Variants in TNNI1 observed in about 807,000 individuals in gnomAD.
TNNI1 encodes troponin I, slow skeletal muscle.
In TNNI1, 14 loss-of-function variants were observed where a neutral mutation model predicts 26.7. The observed-to-expected ratio is 0.52, with a 90% confidence interval of 0.35 to 0.82. The LOEUF is 0.82. Ranked by LOEUF, TNNI1 falls within the 40% of genes least tolerant of loss-of-function variation. The pLI is 0.01. For synonymous variants in TNNI1, 79 were observed against 98.2 expected (o/e 0.80, Z 1.16); for missense variants, 164 against 257.0 (o/e 0.64, Z 2.47).
chr1:201,404,598 T>C lies in TNNI1; in HGVS notation c.*4655A>G, dbSNP rs1490373194. On this transcript the variant is annotated 3_prime_UTR_variant, in exon 9 of 9. Transcript: ENST00000361379. The stretch of plus-strand genomic sequence containing the variant: ...AGTAAGGGCTAATTTAATACTCCAG[T>C]AATAAAACAAAGGCATGCATGCTTT... The C allele has an allele frequency of 6.6e-6, 1 of 152,200 alleles. No individual in the cohort carries two copies. Among genetic ancestry groups the C allele is most frequent in the Non-Finnish European group, 1.5e-5 (1 of 68,032 alleles). 9.4% of individuals were successfully genotyped at this position (152,200 alleles called of 1,614,324 possible). A position where few individuals can be genotyped will look rare whatever the true frequency, so the allele number is the denominator to read the frequency against.
Position 201,407,078 on chromosome 1 carries a change from G to GTT in TNNI1, c.*2173_*2174dup, listed in dbSNP as rs1370395107. The GTT allele has an allele frequency of 6.6e-6, 1 of 152,294 alleles. No individual in the cohort carries two copies. Among genetic ancestry groups the GTT allele is most frequent in the East Asian group, 1.9e-4 (1 of 5,204 alleles). The allele number at this position is 152,294 out of a possible 1,614,324, so 9.4% of individuals were successfully genotyped here. A position where few individuals can be genotyped will look rare whatever the true frequency, so the allele number is the denominator to read the frequency against. On this transcript the variant is annotated 3_prime_UTR_variant, in exon 9 of 9. Coordinates refer to ENST00000361379, the MANE Select transcript of TNNI1 (RefSeq NM_003281.4). ...AATCTGCCAGGGCCCCAGGTTAATAGTTGACTGCAAAACTGGGATTTGACT... is the reference window on the plus strand; with the variant it reads ...AATCTGCCAGGGCCCCAGGTTAATAGTTTTGACTGCAAAACTGGGATTTGACT...
At chr1:201,410,791 C>T (rs949148976) in intron 7 of TNNI1, among the ~76,000 whole-genome samples, 3 of 152,254 alleles carry the variant, frequency 2.0e-5, no homozygotes, top group African/African-American at 4.8e-5. Context: ...CCTGCAAATG[C>T]GGCTGCTTTT....
intron 3 of TNNI1, among the ~76,000 whole-genome samples, chr1:201,415,644 A>C (rs1162641636): frequency 6.6e-6 from 1 of 152,172 alleles, no homozygotes; most frequent in African/African-American, 2.4e-5. Flanking sequence ...AAATCCTTTG[A>C]AAATCGTAAA....
chr1:201,407,260 TG>T lies in TNNI1; in HGVS notation c.*1992del, dbSNP rs1324090612. 2 of 152,296 alleles carry T rather than the reference TG, an allele frequency of 1.3e-5. No homozygotes were observed. The highest frequency in any genetic ancestry group is 2.4e-5 in the African/African-American group (1 of 41,472). 9.4% of individuals were successfully genotyped at this position (152,296 alleles called of 1,614,324 possible). ...AGGCATGAAGCCTAACCCCATCCTCTGTGGCCTGGACCAGCCCTGTCAGGTT... is the reference window on the plus strand; with the variant it reads ...AGGCATGAAGCCTAACCCCATCCTCTTGGCCTGGACCAGCCCTGTCAGGTT... On this transcript the variant is annotated 3_prime_UTR_variant, in exon 9 of 9. Transcript: ENST00000361379.
At position 201,406,065 on chromosome 1, in the gene TNNI1, A is replaced by C. The variant is rs1252765359; in HGVS notation, c.*3188T>G. The C allele has an allele frequency of 6.6e-6, 1 of 152,354 alleles. No individual in the cohort carries two copies. Among genetic ancestry groups the C allele is most frequent in the East Asian group, 1.9e-4 (1 of 5,184 alleles). The allele number at this position is 152,354 out of a possible 1,614,324, so 9.4% of individuals were successfully genotyped here. ...GTGTGTGGGGACTCCCCAGGTGCAT[A>C]TGCAGGACCCTCGACCCCCAGCTGT... On this transcript the variant is annotated 3_prime_UTR_variant, in exon 9 of 9. Coordinates refer to ENST00000361379, the MANE Select transcript of TNNI1 (RefSeq NM_003281.4).
Position 201,417,769 on chromosome 1 carries a change from G to A in TNNI1, c.11+14C>T. The A allele has an allele frequency of 7.6e-7, 1 of 1,314,108 alleles. No homozygotes were observed. The highest frequency in any genetic ancestry group is 9.8e-7 in the Non-Finnish European group (1 of 1,022,466). The allele number at this position is 1,314,108 out of a possible 1,614,324, so 81.4% of individuals were successfully genotyped here. Reference sequence around the variant, plus strand: ...TGCCTTCCTGGGGCCCCAGATGGCAGTGAGACTACTTACACTTCCGGCATG... The same window carrying A: ...TGCCTTCCTGGGGCCCCAGATGGCAATGAGACTACTTACACTTCCGGCATG... On this transcript the variant is annotated intron_variant, in intron 2 of 8. Coordinates refer to ENST00000361379, the MANE Select transcript of TNNI1 (RefSeq NM_003281.4).
At chr1:201,410,288 C>A (rs1242825826) in intron 8 of TNNI1, 38 bp downstream of exon 8, 33 of 1,584,336 alleles carry the variant, frequency 2.1e-5, no homozygotes, top group Middle Eastern at 1.7e-4. Context: ...CCTCTAGACT[C>A]TGATGGACCC....
At position 201,411,483 on chromosome 1, in the gene TNNI1, G is replaced by T; in HGVS notation, c.330C>A (p.Arg110=). 6.2e-7 allele frequency: 1 copy of T among 1,611,900 alleles called. No homozygotes were observed. Among genetic ancestry groups the T allele is most frequent in the Non-Finnish European group, 8.5e-7 (1 of 1,179,092 alleles). The change falls in exon 7 of 9, where the codon CGC becomes CGA. Residue 110 remains arginine, a synonymous_variant. Transcript: ENST00000361379. This position sits in a 1 kb window ranked among gnomAD's most constrained non-coding sequence, Gnocchi z 4.6. ...KVMDLRGKFK[R]PPLRRVRVSA... ...AGACACGGACTCGACGCAGGGGCGGGCGCTTGAACTTCCCACGGAGGTCCA... is the reference window on the plus strand; with the variant it reads ...AGACACGGACTCGACGCAGGGGCGGTCGCTTGAACTTCCCACGGAGGTCCA...
chr1:201,412,634 T>G (rs1251163115), intron 6 of TNNI1, among the ~76,000 whole-genome samples: 1 of 152,224 alleles, frequency 6.6e-6, no homozygotes. Flanking sequence ...TCTCTGATCC[T>G]GAGTGTTCTC....
chr1:201,414,564 C>T lies in TNNI1; in HGVS notation c.143G>A (p.Arg48His), dbSNP rs200415229. The change falls in exon 5 of 9, where the codon CGC becomes CAC. Residue 48 changes from arginine to histidine, a missense_variant. This residue lies in a region of TNNI1 where 117 missense variants were observed against 158.7 expected (regional missense o/e 0.74). Transcript: ENST00000361379. ...GCCACGGGTCTGCAGCGTGGGGATG[C>T]GCTCTGCCAGGTAGCGCACCTTCTC... ...EAEKVRYLAE[R>H]IPTLQTRGLS... 6.0e-5 allele frequency: 97 copies of T among 1,613,074 alleles called. No homozygotes were observed. The highest frequency in any genetic ancestry group is 1.6e-4 in the African/African-American group (12 of 75,060).
intron 6 of TNNI1, among the ~76,000 whole-genome samples, chr1:201,412,617 T>G (rs748631403): frequency 1.3e-5 from 2 of 152,184 alleles, no homozygotes; most frequent in Admixed American, 6.5e-5. Context: ...AGGACAAGTC[T>G]TTGGCCTCTC....
At chr1:201,418,209 G>A (rs1662789719) in intron 1 of TNNI1, among the ~76,000 whole-genome samples, 1 of 152,102 alleles carries the variant, frequency 6.6e-6, no homozygotes, top group African/African-American at 2.4e-5. Context: ...AGTGGCTCAT[G>A]CCTGTAATCC....
intron 1 of TNNI1, among the ~76,000 whole-genome samples, chr1:201,420,173 T>A (rs1662828581): frequency 6.6e-6 from 1 of 152,176 alleles, no homozygotes. Context: ...CCAAGGCCGG[T>A]TTACACCTCC....
In TNNI1 at chr1:201,416,138, T is replaced by G. The variant is rs1662735705; in HGVS notation, c.16-884A>C. ...GGAAGTTCTCATGAGAGACAATGGA[T>G]GAGTTTCAGCAAATGGAATGTGTAA... is the stretch of plus-strand genomic sequence containing the variant. On this transcript the variant is annotated intron_variant, in intron 3 of 8. Transcript: ENST00000361379. 1.3e-5 allele frequency among the ~76,000 whole-genome samples: 2 copies of G among 152,176 alleles called. 1 individual carries two copies. Among genetic ancestry groups the G allele is most frequent in the African/African-American group, 4.8e-5 (2 of 41,446 alleles).
rs897700900 is a variant in TNNI1 at position 201,404,361 on chromosome 1, A to C, written c.*4892T>G. The C allele has an allele frequency of 6.6e-6, 1 of 152,172 alleles. No homozygotes were observed. The highest frequency in any genetic ancestry group is 1.5e-5 in the Non-Finnish European group (1 of 68,032). 9.4% of individuals were successfully genotyped at this position (152,172 alleles called of 1,614,324 possible). ...CATGTGTCTCAGCTGAGCAACTGCCATGCTTGTGGCACTCTTAGGGGAAGG... is the reference window on the plus strand; with the variant it reads ...CATGTGTCTCAGCTGAGCAACTGCCCTGCTTGTGGCACTCTTAGGGGAAGG... On this transcript the variant is annotated 3_prime_UTR_variant, in exon 9 of 9. Coordinates refer to ENST00000361379, the MANE Select transcript of TNNI1 (RefSeq NM_003281.4).
chr1:201,419,229 T>G (rs1175975820), intron 1 of TNNI1, among the ~76,000 whole-genome samples: 1 of 152,220 alleles, frequency 6.6e-6, no homozygotes, highest in East Asian at 1.9e-4. Flanking sequence ...GGAATACAAT[T>G]TGAAGCCCCC....
chr1:201,417,186 A>G (rs1237377217), intron 2 of TNNI1, 67 bp from the exon 3 acceptor site: 1 of 1,607,912 alleles, frequency 6.2e-7, no homozygotes, highest in Non-Finnish European at 8.5e-7. Flanking sequence ...AACAATGAGG[A>G]TTACATGTGC....
At chr1:201,417,665 C>G (rs1189811211) in intron 2 of TNNI1, 118 bp downstream of exon 2, 9 of 851,054 alleles carry the variant, frequency 1.1e-5, no homozygotes, top group Admixed American at 3.9e-5. Flanking sequence ...GTTTGAGGAC[C>G]TGGTCTCTTA....
At chr1:201,409,496 G>T (rs879489426) in intron 8 of TNNI1, among the ~76,000 whole-genome samples, 1 of 152,172 alleles carries the variant, frequency 6.6e-6, no homozygotes, top group Non-Finnish European at 1.5e-5. Context: ...ACCTAGCCTT[G>T]CCATGCTACT....
Sources: allele counts gnomAD v4.1 joint callset (sites outside exome capture counted in the v4.1 genomes callset), GRCh38; gene constraint gnomAD v4.1.1; regional missense constraint gnomAD v4.1.1; non-coding constraint Gnocchi (gnomAD v3.1); transcripts MANE v1.5; gene names NCBI Gene and HGNC (gene_info 2026-07-23, HGNC 2026-07-21).